The following TBC1D23 variants were observed in gnomAD, a reference collection of about 807,000 sequenced individuals.
TBC1D23 encodes the protein TBC1 domain family member 23.
In TBC1D23, 55 loss-of-function variants were observed where a neutral mutation model predicts 91.4. That is an observed-to-expected ratio of 0.60 (90% CI 0.48 to 0.75). TBC1D23 has a LOEUF of 0.75. Among genes scored for constraint, TBC1D23 ranks in the 30% least tolerant of loss-of-function variants. TBC1D23 has a pLI of 0.00. For synonymous variants in TBC1D23, 289 were observed against 281.0 expected (o/e 1.03, Z -0.28); for missense variants, 725 against 836.1 (o/e 0.87, Z 1.64).
Position 100,281,781 on chromosome 3 carries a change from T to A in TBC1D23, c.205T>A (p.Ser69Thr). 1 of 1,613,304 alleles carries A rather than the reference T, an allele frequency of 6.2e-7. No individual in the cohort carries two copies. The highest frequency in any genetic ancestry group is 8.5e-7 in the Non-Finnish European group (1 of 1,179,522). Reference sequence around the variant, plus strand: ...TGCAGGAAAAGGTGATAGTTTGGCATCATGGGATGGTATTTTAGACTTGCC... The same window carrying A: ...TGCAGGAAAAGGTGATAGTTTGGCAACATGGGATGGTATTTTAGACTTGCC... ...NVAGKGDSLA[S>T]WDGILDLPEQ... The change falls in exon 3 of 19, where the codon TCA becomes ACA. Residue 69 changes from serine to threonine, a missense_variant. By Grantham distance (58) the Ser-to-Thr change is moderately conservative (BLOSUM62 1). Transcript: ENST00000394144.
intron 16 of TBC1D23, 39 bp from the exon 17 acceptor site, chr3:100,319,030 T>G: frequency 7.5e-7 from 1 of 1,333,512 alleles, no homozygotes; most frequent in Non-Finnish European, 1.0e-6. Context: ...ATTTTAAAAG[T>G]TGGTAATATC....
At chr3:100,274,894 A>AACCCC (rs2067634443) in intron 1 of TBC1D23, among the ~76,000 whole-genome samples, 1 of 131,898 alleles carries the variant, frequency 7.6e-6, no homozygotes, top group African/African-American at 2.7e-5. Context: ...TACAGTACAC[A>AACCCC]CCCCCCCCCT....
At chr3:100,315,891 G>T (rs1204786084) in intron 15 of TBC1D23, 2 of 561,642 alleles carry the variant, frequency 3.6e-6, no homozygotes, top group Non-Finnish European at 6.3e-6. Context: ...GCCTACCAAG[G>T]CCTTATGCCA....
At position 100,320,749 on chromosome 3, in the gene TBC1D23, TTTCTTTTAA is replaced by T; in HGVS notation, c.1824-26_1824-18del. On this transcript the variant is annotated intron_variant, in intron 17 of 18. Coordinates refer to ENST00000394144, the MANE Select transcript of TBC1D23 (RefSeq NM_001199198.3). Reference sequence around the variant, plus strand: ...GAATTAAATTTACTTAAAAATTCTTTTTCTTTTAATGCTTTTTTTGTCTCAAGTCATCTG... The same window carrying T: ...GAATTAAATTTACTTAAAAATTCTTTTGCTTTTTTTGTCTCAAGTCATCTG... 2.2e-6 allele frequency: 3 copies of T among 1,388,330 alleles called. No individual in the cohort carries two copies. Among genetic ancestry groups the T allele is most frequent in the Non-Finnish European group, 2.9e-6 (3 of 1,047,010 alleles). The allele number at this position is 1,388,330 out of a possible 1,614,324, so 86.0% of individuals were successfully genotyped here. A position where few individuals can be genotyped will look rare whatever the true frequency, so the allele number is the denominator to read the frequency against.
At chr3:100,276,080 A>G (rs2067646035) in intron 1 of TBC1D23, among the ~76,000 whole-genome samples, 1 of 140,112 alleles carries the variant, frequency 7.1e-6, no homozygotes, top group Admixed American at 7.6e-5. Flanking sequence ...GCAGAAAGAT[A>G]CTTGTTAAAA....
At chr3:100,274,980 G>T (rs2067636572) in intron 1 of TBC1D23, among the ~76,000 whole-genome samples, 1 of 149,206 alleles carries the variant, frequency 6.7e-6, no homozygotes, top group Non-Finnish European at 1.5e-5. Flanking sequence ...GGATAATGCT[G>T]CTGTGAACAT....
chr3:100,270,183 G>A (rs2067589289), intron 1 of TBC1D23, among the ~76,000 whole-genome samples: 2 of 152,086 alleles, frequency 1.3e-5, no homozygotes, highest in South Asian at 2.1e-4. Context: ...TGCATCCCCT[G>A]TGCCTCACAC....
intron 1 of TBC1D23, among the ~76,000 whole-genome samples, chr3:100,262,044 A>G (rs1400226871): frequency 2.0e-5 from 3 of 152,236 alleles, no homozygotes; most frequent in Non-Finnish European, 4.4e-5. Context: ...AAAAAAATGG[A>G]AATCGTTGAA....
Position 100,306,518 on chromosome 3 carries a change from C to T in TBC1D23, c.1388C>T (p.Ser463Leu), listed in dbSNP as rs773047829. The T allele has an allele frequency of 6.2e-7, 1 of 1,606,750 alleles. No individual in the cohort carries two copies. The highest frequency in any genetic ancestry group is 1.1e-5 in the South Asian group (1 of 90,884). Reference protein sequence around the residue: ...YGHWIASTSGSRSSINSVDGE... With the variant: ...YGHWIASTSGLRSSINSVDGE... Reference sequence around the variant, plus strand: ...CATTGGATTGCTAGTACCTCAGGCTCAAGGAGCAGTATCAATTCTGTTGAT... The same window carrying T: ...CATTGGATTGCTAGTACCTCAGGCTTAAGGAGCAGTATCAATTCTGTTGAT... Residue 463 changes from serine to leucine, a missense_variant, in exon 13 of 19, where the codon TCA (serine) becomes TTA (leucine). Transcript: ENST00000394144.
In TBC1D23 at chr3:100,315,466, C is replaced by G. The variant is rs112385326; in HGVS notation, c.1599-633C>G. ...AGTGAGCCACCGCGCCCGGCCGAGG[C>G]AGATTCATTTTTATGGCTTATATTT... is the stretch of plus-strand genomic sequence containing the variant. On this transcript the variant is annotated intron_variant, in intron 15 of 18. Transcript: ENST00000394144. 8.4e-4 allele frequency among the ~76,000 whole-genome samples: 128 copies of G among 152,192 alleles called. 1 individual carries two copies. Among genetic ancestry groups the G allele is most frequent in the African/African-American group, 2.9e-3 (122 of 41,532 alleles).
intron 15 of TBC1D23, among the ~76,000 whole-genome samples, chr3:100,313,124 G>T (rs1259969030): frequency 6.6e-6 from 1 of 151,968 alleles, no homozygotes; most frequent in African/African-American, 2.4e-5. Flanking sequence ...CAGGACTTCT[G>T]CTAATAATTT....
At chr3:100,298,828 A>G (rs1705356467) in intron 9 of TBC1D23, among the ~76,000 whole-genome samples, 1 of 152,204 alleles carries the variant, frequency 6.6e-6, no homozygotes, top group Non-Finnish European at 1.5e-5. Flanking sequence ...CCCACACGAA[A>G]TAGATGTTTA....
intron 4 of TBC1D23, among the ~76,000 whole-genome samples, chr3:100,289,620 A>G (rs2067772673): frequency 6.6e-6 from 1 of 152,124 alleles, no homozygotes; most frequent in South Asian, 2.1e-4. Context: ...TCAGATCAAG[A>G]CTGTGAGTGG....
chr3:100,315,818 T>C, intron 15 of TBC1D23: 1 of 401,138 alleles, frequency 2.5e-6, no homozygotes, highest in East Asian at 4.4e-5. Context: ...GATCTAAGCA[T>C]TGGTTTTAAT....
rs148637069 is a variant in TBC1D23 at position 100,288,431 on chromosome 3, A to G, written c.477-2147A>G. ...AGTATGGCATAATGACTTAAGGTCCAGTTTCTGTATACAAGTCTTAGCTCC... is the reference window on the plus strand; with the variant it reads ...AGTATGGCATAATGACTTAAGGTCCGGTTTCTGTATACAAGTCTTAGCTCC... On this transcript the variant is annotated intron_variant, in intron 4 of 18. Coordinates refer to ENST00000394144, the MANE Select transcript of TBC1D23 (RefSeq NM_001199198.3). Among the ~76,000 whole-genome samples, 661 of 152,250 alleles carry G rather than the reference A, an allele frequency of 4.3e-3. 4 individuals are homozygous for G. Among genetic ancestry groups the G allele is most frequent in the Non-Finnish European group, 7.9e-3 (535 of 68,012 alleles).
In TBC1D23 at chr3:100,312,000, T is replaced by C. The variant is rs1576184094; in HGVS notation, c.1598+123T>C. ...TGCAGCTATTTCAAATGCTAAACTT[T>C]CCTCATTCTGCTTTTTAGGAGTGTG... On this transcript the variant is annotated intron_variant, in intron 15 of 18. Coordinates refer to ENST00000394144, the MANE Select transcript of TBC1D23 (RefSeq NM_001199198.3). 9 of 653,578 alleles carry C rather than the reference T, an allele frequency of 1.4e-5. 1 individual carries two copies. Among genetic ancestry groups the C allele is most frequent in the African/African-American group, 5.5e-5 (3 of 54,256 alleles). 40.5% of individuals were successfully genotyped at this position (653,578 alleles called of 1,614,324 possible).
intron 11 of TBC1D23, 71 bp downstream of exon 11, chr3:100,302,308 C>A: frequency 7.8e-7 from 1 of 1,288,068 alleles, no homozygotes; most frequent in Non-Finnish European, 1.0e-6. Flanking sequence ...ACATAGATAA[C>A]TTTTTGCTTG....
chr3:100,294,859 G>A (rs946779772), intron 5 of TBC1D23, among the ~76,000 whole-genome samples: 14 of 152,170 alleles, frequency 9.2e-5, no homozygotes, highest in African/African-American at 3.1e-4. Context: ...AAAAATGGAA[G>A]CTTTAAAGAG....
At chr3:100,299,199 A>T (rs761057098) in intron 9 of TBC1D23, 40 bp from the exon 10 acceptor site, 4 of 1,359,950 alleles carry the variant, frequency 2.9e-6, no homozygotes, top group Non-Finnish European at 4.2e-6. Context: ...TGTGAACCTC[A>T]TGGGAAATTC....
Sources: allele counts gnomAD v4.1 joint callset (sites outside exome capture counted in the v4.1 genomes callset), GRCh38; gene constraint gnomAD v4.1.1; transcripts MANE v1.5; gene names NCBI Gene and HGNC (gene_info 2026-07-23, HGNC 2026-07-21).